TP73: variants seen among roughly 807,000 people sequenced by gnomAD.
TP73 encodes the protein tumor protein p73.
Under a neutral mutation model 62.5 loss-of-function variants are expected in TP73, and 25 were observed. The ratio of observed to expected loss-of-function variants is 0.40; its 90% CI spans 0.29 to 0.56. The LOEUF (loss-of-function observed/expected upper bound fraction) is 0.56, where lower values mean the gene tolerates loss of function less well. TP73 is among the 20% of genes least tolerant of loss of function. The pLI is 0.46. For missense variants in TP73, 754 were observed against 913.3 expected (o/e 0.83, Z 2.25); for synonymous variants, 423 against 377.5 (o/e 1.12, Z -1.40).
intron 3 of TP73, chr1:3,690,586 A>G (rs2124227203): frequency 1.6e-6 from 2 of 1,241,586 alleles, no homozygotes; most frequent in East Asian, 4.0e-5. Context: ...GTGCGGTCCA[A>G]CACATCACCG....
rs1645544724 is a variant in TP73 at position 3,682,359 on chromosome 1, G to A, written c.-7G>A. 1.3e-6 allele frequency: 2 copies of A among 1,538,956 alleles called. No individual in the cohort carries two copies. Among genetic ancestry groups the A allele is most frequent in the South Asian group, 1.2e-5 (1 of 82,812 alleles). On this transcript the variant is annotated 5_prime_UTR_variant, in exon 2 of 14. Coordinates refer to ENST00000378295, the MANE Select transcript of TP73 (RefSeq NM_005427.4). Reference sequence around the variant, plus strand: ...GCGAGCTGCCCTCGGAGGCCGGCGTGGGGAAGATGGCCCAGTCCACCGCCA... The same window carrying A: ...GCGAGCTGCCCTCGGAGGCCGGCGTAGGGAAGATGGCCCAGTCCACCGCCA...
At chr1:3,682,270 T>C in intron 1 of TP73, 63 bp from the exon 2 acceptor site, 1 of 1,247,362 alleles carries the variant, frequency 8.0e-7, no homozygotes, top group Non-Finnish European at 1.0e-6. Flanking sequence ...CCACCGAGGC[T>C]GTCACAGGAG....
intron 4 of TP73, among the ~76,000 whole-genome samples, chr1:3,720,528 C>A (rs1373594020): frequency 1.3e-5 from 2 of 152,244 alleles, no homozygotes; most frequent in Non-Finnish European, 2.9e-5. Flanking sequence ...CTGGCTGGGT[C>A]TCATTCGGGG....
chr1:3,677,048 G>A lies in TP73; in HGVS notation c.-33-5285G>A, dbSNP rs191145008. Among the ~76,000 whole-genome samples the A allele has an allele frequency of 4.0e-3, 602 of 152,144 alleles. 5 individuals carry two copies. The highest frequency in any genetic ancestry group is 0.013 in the African/African-American group (554 of 41,500). ...ACCTCAGAAGGCCCTGAGTCAAACC[G>A]AGAAGTCATCAGAGAGCCTTGTTTT... On this transcript the variant is annotated intron_variant, in intron 1 of 13. Coordinates refer to ENST00000378295, the MANE Select transcript of TP73 (RefSeq NM_005427.4).
chr1:3,660,348 G>A (rs1420737522), intron 1 of TP73, among the ~76,000 whole-genome samples: 2 of 152,102 alleles, frequency 1.3e-5, no homozygotes, highest in Non-Finnish European at 2.9e-5. Context: ...GGGTTTCATT[G>A]GCTCCATAAA....
At chr1:3,690,310 C>T (rs1645779499) in intron 3 of TP73, among the ~76,000 whole-genome samples, 1 of 152,174 alleles carries the variant, frequency 6.6e-6, no homozygotes. Flanking sequence ...ACCGAGTTCC[C>T]CGCGCAGGGG....
At chr1:3,722,418 G>T (rs1201021271) in intron 5 of TP73, among the ~76,000 whole-genome samples, 1 of 152,240 alleles carries the variant, frequency 6.6e-6, no homozygotes, top group African/African-American at 2.4e-5. Flanking sequence ...GGGGCAAGTG[G>T]TCTGGGCAGA....
chr1:3,665,453 A>T (rs1394465672), intron 1 of TP73, among the ~76,000 whole-genome samples: 1 of 152,206 alleles, frequency 6.6e-6, no homozygotes, highest in Non-Finnish European at 1.5e-5. Context: ...TCATTGTCTA[A>T]TGTTCAGCTG....
chr1:3,682,919 T>A (rs1259003830), intron 2 of TP73, 141 bp from the exon 3 acceptor site: 2 of 1,168,728 alleles, frequency 1.7e-6, no homozygotes, highest in South Asian at 1.7e-5. Flanking sequence ...AGGACAGAGA[T>A]GGGATGAGAG....
intron 4 of TP73, among the ~76,000 whole-genome samples, chr1:3,718,299 G>A (rs2124458994): frequency 6.6e-6 from 1 of 152,342 alleles, no homozygotes; most frequent in Middle Eastern, 3.4e-3. Context: ...AGACAGTGCA[G>A]AGACGGGAGC....
At chr1:3,730,625 C>A (rs1642061486) in intron 11 of TP73, among the ~76,000 whole-genome samples, 1 of 152,158 alleles carries the variant, frequency 6.6e-6, no homozygotes, top group Admixed American at 6.5e-5. Flanking sequence ...TGAGCAAGCA[C>A]CCCCAGGTGT....
At chr1:3,688,536 G>A (rs760709882) in intron 3 of TP73, among the ~76,000 whole-genome samples, 10 of 152,306 alleles carry the variant, frequency 6.6e-5, no homozygotes, top group South Asian at 6.2e-4. Context: ...AATCCCCGGT[G>A]AGTCAGAAGC....
intron 1 of TP73, among the ~76,000 whole-genome samples, chr1:3,671,154 A>G (rs1017430573): frequency 2.6e-5 from 4 of 152,124 alleles, no homozygotes; most frequent in African/African-American, 9.7e-5. Flanking sequence ...GCACCTGTCC[A>G]GGTTTCAGGG....
intron 3 of TP73, 48 bp from the exon 4 acceptor site, chr1:3,707,501 G>C (rs370383690): frequency 1.3e-6 from 2 of 1,578,580 alleles, no homozygotes; most frequent in South Asian, 1.2e-5. Flanking sequence ...GGGACAGGAC[G>C]ACTGACTGTG....
rs1307926551 is a variant in TP73, at chr1:3,699,689, A to G, written c.187-7860A>G. ...CCGGTTCCTGTCCTAGTTGAACAGA[A>G]TGAATGAGAGTGCGGGATAAATGCC... On this transcript the variant is annotated intron_variant, in intron 3 of 13. Coordinates refer to ENST00000378295, the MANE Select transcript of TP73 (RefSeq NM_005427.4). This position sits in a 1 kb window ranked among gnomAD's most constrained non-coding sequence, Gnocchi z 4.1. 6.6e-6 allele frequency among the ~76,000 whole-genome samples: 1 copy of G among 152,172 alleles called. No individual in the cohort carries two copies. The highest frequency in any genetic ancestry group is 2.4e-5 in the African/African-American group (1 of 41,452).
chr1:3,718,059 G>C (rs1212659225), intron 4 of TP73, among the ~76,000 whole-genome samples: 1 of 152,094 alleles, frequency 6.6e-6, no homozygotes, highest in Non-Finnish European at 1.5e-5. Flanking sequence ...CCTGAGGCCT[G>C]GGCCTCCCTC....
At chr1:3,676,123 G>T (rs1269680777) in intron 1 of TP73, among the ~76,000 whole-genome samples, 1 of 150,876 alleles carries the variant, frequency 6.6e-6, no homozygotes, top group East Asian at 2.0e-4. Flanking sequence ...AGACGGGGAG[G>T]GACAGAGGAT....
chr1:3,703,324 G>A (rs1639367847), intron 3 of TP73, among the ~76,000 whole-genome samples: 1 of 152,148 alleles, frequency 6.6e-6, no homozygotes, highest in Non-Finnish European at 1.5e-5. Context: ...CCCACCCCGT[G>A]TCACTGAGCC....
rs947521859 is a variant in TP73, at chr1:3,701,621, C to T, written c.187-5928C>T. Among the ~76,000 whole-genome samples, 1 of 152,180 alleles carries T rather than the reference C, an allele frequency of 6.6e-6. No homozygotes were observed. The highest frequency in any genetic ancestry group is 2.4e-5 in the African/African-American group (1 of 41,442). On this transcript the variant is annotated intron_variant, in intron 3 of 13. Coordinates refer to ENST00000378295, the MANE Select transcript of TP73 (RefSeq NM_005427.4). The surrounding 1 kb of genome is among the most constrained non-coding windows in gnomAD (Gnocchi z 4.7). ...CCGGGTTCAAGCAATTCTCCTTGCTCATCCTCCCAAGTAGCTGGGATTACA... is the reference window on the plus strand; with the variant it reads ...CCGGGTTCAAGCAATTCTCCTTGCTTATCCTCCCAAGTAGCTGGGATTACA...
Sources: gnomAD v4.1 joint callset for allele counts (sites outside exome capture counted in the v4.1 genomes callset) on GRCh38, gnomAD v4.1.1 for gene constraint, Gnocchi (gnomAD v3.1) non-coding constraint, MANE v1.5 for transcripts, NCBI Gene and HGNC (gene_info 2026-07-23, HGNC 2026-07-21) for gene names.